Variants in ATG5 observed in about 807,000 individuals in gnomAD.
ATG5 encodes the protein autophagy related 5, also known as autophagy protein 5.
A neutral mutation model predicts 36.5 loss-of-function variants in ATG5; 14 were observed. The ratio of observed to expected loss-of-function variants is 0.38; its 90% confidence interval spans 0.25 to 0.60. The LOEUF is 0.60. Among genes scored for constraint, ATG5 ranks in the 20% least tolerant of loss-of-function variants. The probability of loss-of-function intolerance (pLI) is 0.60; values close to 1 mark genes in which losing one functional copy is unlikely to be tolerated. For synonymous variants in ATG5, 95 were observed against 101.5 expected (o/e 0.94, Z 0.38); for missense variants, 195 against 326.7 (o/e 0.60, Z 3.11).
chr6:106,297,717 A>AACACACACACACACAC (rs56336702), intron 3 of ATG5, among the ~76,000 whole-genome samples: 5 of 135,520 alleles, frequency 3.7e-5, no homozygotes, highest in Middle Eastern at 3.9e-3. Context: ...AAATGACTTA[A>AACACACACACACACAC]ACACACACAC....
At chr6:106,265,177 A>G (rs1256793560) in intron 5 of ATG5, among the ~76,000 whole-genome samples, 4 of 151,160 alleles carry the variant, frequency 2.6e-5, no homozygotes, top group African/African-American at 9.7e-5. Context: ...GCAAAAAAAA[A>G]AAAAAAAAAA....
Position 106,202,025 on chromosome 6 carries a change from T to C in ATG5, c.638A>G (p.His213Arg), listed in dbSNP as rs1246226286. The C allele has an allele frequency of 6.2e-7, 1 of 1,614,040 alleles. No homozygotes were observed. The highest frequency in any genetic ancestry group is 2.2e-5 in the East Asian group (1 of 44,860). Residue 213 changes from histidine to arginine, a missense_variant, in exon 7 of 8, where the codon CAC becomes CGC. Coordinates refer to ENST00000369076, the MANE Select transcript of ATG5 (RefSeq NM_004849.4). ...TTCTTTGAGGAGATCTCCTAGTGTGTGCAACTGTCCATCTGCAGCCACAGG... is the reference window on the plus strand; with the variant it reads ...TTCTTTGAGGAGATCTCCTAGTGTGCGCAACTGTCCATCTGCAGCCACAGG... ...FRPVAADGQL[H>R]TLGDLLKEVC...
At chr6:106,231,570 A>T (rs1777692343) in intron 6 of ATG5, among the ~76,000 whole-genome samples, 1 of 150,646 alleles carries the variant, frequency 6.6e-6, no homozygotes, top group Non-Finnish European at 1.5e-5. Context: ...TGTCCACTAT[A>T]ACACAGGGAA....
At chr6:106,215,717 C>G (rs541256470) in intron 6 of ATG5, among the ~76,000 whole-genome samples, 1 of 152,014 alleles carries the variant, frequency 6.6e-6, no homozygotes, top group Non-Finnish European at 1.5e-5. Flanking sequence ...TTCTTACATA[C>G]GGCAACCTAA....
At chr6:106,286,769 G>A (rs1780094067) in intron 4 of ATG5, among the ~76,000 whole-genome samples, 1 of 152,196 alleles carries the variant, frequency 6.6e-6, no homozygotes, top group Non-Finnish European at 1.5e-5. Flanking sequence ...ACTTCACATG[G>A]TCTTTAGGTG....
intron 6 of ATG5, among the ~76,000 whole-genome samples, chr6:106,204,928 T>C (rs1333811280): frequency 6.6e-6 from 1 of 152,220 alleles, no homozygotes; most frequent in East Asian, 1.9e-4. Context: ...ATATCATGCA[T>C]AATCAAGTGA....
At chr6:106,303,824 C>T (rs2114654581) in intron 3 of ATG5, among the ~76,000 whole-genome samples, 1 of 152,030 alleles carries the variant, frequency 6.6e-6, no homozygotes, top group South Asian at 2.1e-4. Context: ...ATATAATTAG[C>T]ACAGAAAAGG....
At chr6:106,277,546 A>G (rs1440817885) in intron 5 of ATG5, among the ~76,000 whole-genome samples, 3 of 152,226 alleles carry the variant, frequency 2.0e-5, no homozygotes, top group Non-Finnish European at 4.4e-5. Context: ...TGAGCATGGT[A>G]GCTCATGCCT....
chr6:106,186,798 C>A (rs1775788726), intron 7 of ATG5, 122 bp from the exon 8 acceptor site: 2 of 1,155,942 alleles, frequency 1.7e-6, no homozygotes, highest in African/African-American at 1.6e-5. Context: ...GTCCCCTGAA[C>A]AGGAAATGTG....
At chr6:106,285,885 C>T (rs1287660161) in intron 4 of ATG5, among the ~76,000 whole-genome samples, 1 of 152,116 alleles carries the variant, frequency 6.6e-6, no homozygotes, top group Admixed American at 6.5e-5. Context: ...GTCAGTGGAC[C>T]ACATTTGCCA....
In ATG5 at chr6:106,223,373, TC is replaced by T; in HGVS notation, c.574-21285del. Among the ~76,000 whole-genome samples the T allele has an allele frequency of 2.6e-5, 4 of 152,284 alleles. No individual in the cohort carries two copies. The East Asian group carries it at 7.7e-4, about 29-fold the overall frequency. ...CTGGAGGAGGAAGGGGAAAAACATATCTGCCAAATAAGCTTATAATTAATAG... is the reference window on the plus strand; with the variant it reads ...CTGGAGGAGGAAGGGGAAAAACATATTGCCAAATAAGCTTATAATTAATAG... On this transcript the variant is annotated intron_variant, in intron 6 of 7. Coordinates refer to ENST00000369076, the MANE Select transcript of ATG5 (RefSeq NM_004849.4).
At chr6:106,266,524 C>T (rs1779236139) in intron 5 of ATG5, among the ~76,000 whole-genome samples, 1 of 152,086 alleles carries the variant, frequency 6.6e-6, no homozygotes, top group Admixed American at 6.6e-5. Context: ...TTTATGATAC[C>T]AAAACCTGGC....
intron 4 of ATG5, 26 bp downstream of exon 4, chr6:106,293,002 C>G: frequency 6.3e-7 from 1 of 1,577,794 alleles, no homozygotes; most frequent in Non-Finnish European, 8.7e-7. Context: ...ACAAATGGGA[C>G]GAAGGAGAAA....
intron 3 of ATG5, among the ~76,000 whole-genome samples, chr6:106,300,144 A>G (rs1314839288): frequency 6.6e-6 from 1 of 152,224 alleles, no homozygotes; most frequent in Non-Finnish European, 1.5e-5. Flanking sequence ...AATCTAGTTT[A>G]CAGAATACAT....
intron 6 of ATG5, among the ~76,000 whole-genome samples, chr6:106,214,385 G>A (rs1776962965): frequency 6.6e-6 from 1 of 152,068 alleles, no homozygotes. Flanking sequence ...AGAAATAGGA[G>A]AGTTGAAAAT....
chr6:106,285,146 G>C (rs771210776), intron 4 of ATG5, among the ~76,000 whole-genome samples: 2 of 151,932 alleles, frequency 1.3e-5, no homozygotes, highest in African/African-American at 2.4e-5. Flanking sequence ...AACTTCTATC[G>C]ATCTGTCTTT....
At position 106,308,372 on chromosome 6, in the gene ATG5, T is replaced by C. The variant is rs781241628; in HGVS notation, c.228A>G (p.Pro76=). ...CAGAAAAATTCACTCACCATTTCAG[T>C]GGTGTGCCTTCATATTCAAACCATA... ...SEIWFEYEGT[P]LKWHYPIGLL... The change falls in exon 3 of 8, where the codon CCA becomes CCG. Residue 76 remains proline, a synonymous_variant. Coordinates refer to ENST00000369076, the MANE Select transcript of ATG5 (RefSeq NM_004849.4). 2 of 1,570,296 alleles carry C rather than the reference T, an allele frequency of 1.3e-6. No homozygotes were observed. Among genetic ancestry groups the C allele is most frequent in the Admixed American group, 2.0e-5 (1 of 50,114 alleles).
chr6:106,239,163 GA>G (rs11461527), intron 6 of ATG5, among the ~76,000 whole-genome samples: 3,251 of 144,054 alleles, frequency 0.023, 42 homozygotes, highest in Non-Finnish European at 0.035. Context: ...AATAAAGCAA[GA>G]AAAAAAAAAG....
chr6:106,245,263 AAAAT>A (rs1435156622), intron 6 of ATG5, among the ~76,000 whole-genome samples: 3 of 152,230 alleles, frequency 2.0e-5, no homozygotes, highest in African/African-American at 7.2e-5. Context: ...TTACAGATGA[AAAAT>A]AAATAGTTTG....
Sources: gnomAD v4.1 joint callset for allele counts (sites outside exome capture counted in the v4.1 genomes callset) on GRCh38, gnomAD v4.1.1 for gene constraint, MANE v1.5 for transcripts, NCBI Gene and HGNC (gene_info 2026-07-23, HGNC 2026-07-21) for gene names.